The following USP54 variants were observed in gnomAD, a reference collection of about 807,000 sequenced individuals.
USP54 encodes the protein ubiquitin carboxyl-terminal hydrolase 54.
Under a neutral mutation model 170.5 loss-of-function variants are expected in USP54, and 87 were observed. That is an observed-to-expected ratio of 0.51 (90% CI 0.43 to 0.61). The LOEUF (loss-of-function observed/expected upper bound fraction) is 0.61, where lower values mean the gene tolerates loss of function less well. Ranked by LOEUF, USP54 falls within the 20% of genes least tolerant of loss-of-function variation. The pLI is 0.00. For missense variants in USP54, 1,786 were observed against 2,047.8 expected (o/e 0.87, Z 2.47); for synonymous variants, 655 against 742.8 (o/e 0.88, Z 1.92).
At chr10:73,535,851 TG>T (rs1564737555) in intron 11 of USP54, among the ~76,000 whole-genome samples, 1 of 152,150 alleles carries the variant, frequency 6.6e-6, no homozygotes, top group African/African-American at 2.4e-5. Context: ...GCTACACATT[TG>T]CAATTTTAAA....
chr10:73,595,067 A>G (rs748593466), upstream of USP54, among the ~76,000 whole-genome samples: 7 of 152,082 alleles, frequency 4.6e-5, no homozygotes, highest in Admixed American at 6.6e-5. Context: ...CTGGGATTAC[A>G]GGTGCACACC....
Position 73,529,486 on chromosome 10 carries a change from G to T in USP54, c.2060+194C>A, listed in dbSNP as rs78581136. On this transcript the variant is annotated intron_variant, in intron 15 of 23. Transcript: ENST00000687698. ...ATACATGATAACTGTATTTCAAATA[G>T]AAAGTTCTCTCTCCTTTCTCAAGTG... The T allele has an allele frequency of 4.0e-5, 27 of 669,744 alleles. No individual in the cohort carries two copies. The East Asian group carries it at 6.1e-4, about 15-fold the overall frequency. The allele number at this position is 669,744 out of a possible 1,614,324, so 41.5% of individuals were successfully genotyped here.
At chr10:73,622,203 A>C (rs1489852714) in intron 1 of USP54, among the ~76,000 whole-genome samples, 2 of 152,162 alleles carry the variant, frequency 1.3e-5, no homozygotes, top group Non-Finnish European at 2.9e-5. Context: ...TGCAGAGCAG[A>C]GTGTTGTTAT....
At chr10:73,542,730 C>CAAAAA in intron 7 of USP54, 73 bp downstream of exon 7, 7 of 1,191,304 alleles carry the variant, frequency 5.9e-6, no homozygotes, top group African/African-American at 2.2e-5. Context: ...GACTCTGTCT[C>CAAAAA]AAAAAAAAAA....
At chr10:73,552,410 C>T (rs1357936691) in intron 4 of USP54, among the ~76,000 whole-genome samples, 1 of 138,950 alleles carries the variant, frequency 7.2e-6, no homozygotes, top group Admixed American at 7.3e-5. Context: ...GAGGCTCCAT[C>T]TCAAAAAAAA....
At chr10:73,567,340 C>T (rs1201826834) in intron 4 of USP54, among the ~76,000 whole-genome samples, 1 of 152,060 alleles carries the variant, frequency 6.6e-6, no homozygotes, top group Admixed American at 6.6e-5. Context: ...TTATAAAATG[C>T]TTTTTAAATT....
rs141723921 is a variant in USP54, at chr10:73,500,806, G to A, written c.4344C>T (p.Thr1448=). 7.0e-5 allele frequency: 112 copies of A among 1,598,728 alleles called. No individual in the cohort carries two copies. The African/African-American group carries it at 8.1e-4, about 12-fold the overall frequency. ...AAGAGGAGCTGGAACAACGGTGCCC[G>A]GTTTCCAAAGGCTTCCTCACGTTTG... ...DSSNVRKPLE[T]GHRCSSSSSL... is the part of the protein sequence containing the mutation. The change falls in exon 23 of 24, where the codon ACC becomes ACT. Residue 1448 remains threonine, a synonymous_variant. Coordinates refer to ENST00000687698, the MANE Select transcript of USP54 (RefSeq NM_001391956.1).
intron 18 of USP54, 118 bp from the exon 19 acceptor site, chr10:73,520,110 G>A (rs1027920150): frequency 3.8e-5 from 53 of 1,405,480 alleles, no homozygotes; most frequent in Non-Finnish European, 4.9e-5. Flanking sequence ...TATGTAGCAG[G>A]AACGCAAGGC....
chr10:73,504,730 G>A, intron 22 of USP54, 120 bp downstream of exon 22: 1 of 1,340,640 alleles, frequency 7.5e-7, no homozygotes, highest in Non-Finnish European at 1.0e-6. Flanking sequence ...TTTTTGCTGA[G>A]TACACAGGGC....
intron 20 of USP54, chr10:73,507,010 T>C (rs1381102314): frequency 1.3e-5 from 2 of 152,036 alleles, no homozygotes; most frequent in African/African-American, 2.4e-5. Context: ...AATAAATACA[T>C]TATGGTTTAA....
chr10:73,618,884 C>T, intron 1 of USP54, among the ~76,000 whole-genome samples: 1 of 150,040 alleles, frequency 6.7e-6, no homozygotes, highest in East Asian at 1.9e-4. Flanking sequence ...GCACTCTAGC[C>T]TGGGCAACAG....
At chr10:73,615,639 A>T (rs2080560657) in intron 1 of USP54, among the ~76,000 whole-genome samples, 2 of 150,344 alleles carry the variant, frequency 1.3e-5, no homozygotes, top group Admixed American at 6.6e-5. Context: ...TTAAAAATAA[A>T]GCTGGGCATA....
In USP54 at chr10:73,530,421, T is replaced by C; in HGVS notation, c.1550A>G (p.His517Arg). Residue 517 changes from histidine to arginine, a missense_variant, in exon 14 of 24, where the codon CAT becomes CGT. Physicochemically the swap from His to Arg is conservative, Grantham distance 29. Around this residue, in one of 3 missense-constraint regions of USP54, gnomAD observed 1,418 missense variants for 1,569.0 expected, o/e 0.90. Transcript: ENST00000687698. ...CTGAGAAGCCAGGGATGGTCTGTTA[T>C]GGATCATATTGCTGACTGTCTCTTT... The part of the protein sequence containing the change: ...DFKETVSNMI[H>R]NRPSLASQTN... 3.1e-6 allele frequency: 5 copies of C among 1,614,228 alleles called. No homozygotes were observed. Among genetic ancestry groups the C allele is most frequent in the Non-Finnish European group, 4.2e-6 (5 of 1,180,038 alleles).
intron 4 of USP54, among the ~76,000 whole-genome samples, chr10:73,549,027 T>G (rs995545636): frequency 3.3e-5 from 5 of 152,154 alleles, no homozygotes; most frequent in Admixed American, 3.3e-4. Context: ...AATTCTTGGT[T>G]TTCCTCTTAC....
At chr10:73,502,608 C>T (rs796967952) in intron 22 of USP54, among the ~76,000 whole-genome samples, 14 of 152,178 alleles carry the variant, frequency 9.2e-5, no homozygotes, top group Admixed American at 5.9e-4. Context: ...CCACCGCGCC[C>T]GGCTATTCCT....
intron 15 of USP54, among the ~76,000 whole-genome samples, chr10:73,528,223 C>G (rs1277414574): frequency 6.8e-6 from 1 of 146,466 alleles, no homozygotes; most frequent in Non-Finnish European, 1.5e-5. Context: ...CATGAGCCAC[C>G]GCGCCTGGCC....
At chr10:73,615,204 T>C (rs2080518716) in intron 1 of USP54, 2 of 149,936 alleles carry the variant, frequency 1.3e-5, no homozygotes, top group African/African-American at 2.5e-5. Context: ...AATACAAAAA[T>C]TAGCCAGGCA....
chr10:73,515,439 A>G (rs1195309989), intron 20 of USP54, among the ~76,000 whole-genome samples: 1 of 152,182 alleles, frequency 6.6e-6, no homozygotes, highest in Non-Finnish European at 1.5e-5. Flanking sequence ...AACATTCTTC[A>G]TGTCTTCAAT....
Position 73,516,487 on chromosome 10 carries a change from C to T in USP54, c.3939G>A (p.Glu1313=). 6.2e-7 allele frequency: 1 copy of T among 1,614,178 alleles called. No individual in the cohort carries two copies. Among genetic ancestry groups the T allele is most frequent in the Non-Finnish European group, 8.5e-7 (1 of 1,180,042 alleles). ...GAGACTCCAATTCTGAGGTCTCCTGCTCTGTGTCTTGGTTCCAATGTGGAT... is the reference window on the plus strand; with the variant it reads ...GAGACTCCAATTCTGAGGTCTCCTGTTCTGTGTCTTGGTTCCAATGTGGAT... ...LLHPHWNQDT[E]QETSELESLY... The change falls in exon 20 of 24, where the codon GAG becomes GAA. Residue 1313 remains glutamate, a synonymous_variant. Transcript: ENST00000687698.
Sources: gnomAD v4.1 joint callset for allele counts (sites outside exome capture counted in the v4.1 genomes callset) on GRCh38, gnomAD v4.1.1 for gene constraint, gnomAD v4.1.1 regional missense constraint, MANE v1.5 for transcripts, NCBI Gene and HGNC (gene_info 2026-07-23, HGNC 2026-07-21) for gene names.